RAB9B: variants seen among roughly 807,000 people sequenced by gnomAD.
RAB9B encodes ras-related protein Rab-9B.
RAB9B carries 1 observed loss-of-function variant against 8.9 expected under a neutral mutation model. The observed-to-expected ratio is 0.11, with a 90% CI of 0.04 to 0.53. The LOEUF (loss-of-function observed/expected upper bound fraction) is 0.53. Among genes scored for constraint, RAB9B ranks in the 20% least tolerant of loss-of-function variants. The probability of loss-of-function intolerance (pLI) is 0.93; values close to 1 mark genes in which losing one functional copy is unlikely to be tolerated. For synonymous variants in RAB9B, 63 were observed against 57.0 expected, an observed-to-expected ratio of 1.10 and a Z score of -0.47; for missense variants, 82 against 152.9, an observed-to-expected ratio of 0.54 and a Z score of 2.45.
At chrX:103,797,665 G>T in the RAB9B span, among the ~76,000 whole-genome samples, 8 of 111,469 alleles carry the variant, frequency 7.2e-5, no homozygotes, top group African/African-American at 2.6e-4. Flanking sequence ...TCCCAAAGTT[G>T]AACAGAGGTG....
the RAB9B span, among the ~76,000 whole-genome samples, chrX:103,795,228 C>T: frequency 1.9e-5 from 2 of 107,166 alleles, no homozygotes; most frequent in African/African-American, 6.9e-5. Flanking sequence ...GAGAAACTTG[C>T]ACAGTCCCAT....
the RAB9B span, chrX:103,787,980 C>A: frequency 8.4e-7 from 1 of 1,189,007 alleles, no homozygotes; most frequent in Non-Finnish European, 1.1e-6. Flanking sequence ...AGTTAGGGTA[C>A]GGGTGCTTTG....
At chrX:103,784,298 G>A in the RAB9B span, among the ~76,000 whole-genome samples, 4 of 111,716 alleles carry the variant, frequency 3.6e-5, no homozygotes, top group African/African-American at 1.3e-4. Context: ...TCTAGTGCCA[G>A]AAAGATGTTT....
chrX:103,795,361 T>C, the RAB9B span, among the ~76,000 whole-genome samples: 12 of 111,626 alleles, frequency 1.1e-4, no homozygotes, highest in African/African-American at 3.6e-4. Context: ...TGCCCCCCAA[T>C]GTGGAAAGTC....
chrX:103,809,591 T>G, the RAB9B span, among the ~76,000 whole-genome samples: 1 of 112,219 alleles, frequency 8.9e-6, no homozygotes, highest in African/African-American at 3.2e-5. Flanking sequence ...TGACCCACCA[T>G]GCTCGGCTTA....
downstream of RAB9B, among the ~76,000 whole-genome samples, chrX:103,819,105 C>T (rs1201971162): frequency 9.0e-6 from 1 of 111,426 alleles, no homozygotes; most frequent in Non-Finnish European, 1.9e-5. Flanking sequence ...ATGATATGAG[C>T]CTGTTTCTTG....
the RAB9B span, among the ~76,000 whole-genome samples, chrX:103,785,223 C>T: frequency 1.8e-5 from 2 of 111,185 alleles, no homozygotes; most frequent in Non-Finnish European, 3.8e-5. Flanking sequence ...GGATTACAGG[C>T]ATACGCCCAT....
At chrX:103,787,326 T>C in the RAB9B span, among the ~76,000 whole-genome samples, 12 of 111,437 alleles carry the variant, frequency 1.1e-4, no homozygotes, top group Non-Finnish European at 2.1e-4. Flanking sequence ...ATGTGTGGGT[T>C]CCAGCAATGT....
the RAB9B span, chrX:103,790,631 G>C: frequency 1.9e-6 from 2 of 1,060,776 alleles, no homozygotes; most frequent in Admixed American, 2.2e-5. Flanking sequence ...CTCTAATAGC[G>C]AGGCTCTAAC....
chrX:103,781,842 G>C, the RAB9B span, among the ~76,000 whole-genome samples: 2 of 112,295 alleles, frequency 1.8e-5, no homozygotes, highest in Admixed American at 1.9e-4. Context: ...GGAAATGTGA[G>C]AATGTCTCTT....
At chrX:103,799,073 A>G in the RAB9B span, among the ~76,000 whole-genome samples, 79 of 109,717 alleles carry the variant, frequency 7.2e-4, 1 homozygote, top group Non-Finnish European at 1.1e-3. Context: ...TTCATGCCTT[A>G]TATGTGTATA....
chrX:103,816,818 T>G, the RAB9B span, among the ~76,000 whole-genome samples: 32 of 112,004 alleles, frequency 2.9e-4, no homozygotes, highest in Admixed American at 2.4e-3. Flanking sequence ...TCAGCCAACA[T>G]ACATATAAAA....
At chrX:103,796,475 A>G in the RAB9B span, among the ~76,000 whole-genome samples, 18 of 110,915 alleles carry the variant, frequency 1.6e-4, no homozygotes, top group Non-Finnish European at 3.4e-4. Context: ...TCTCAGAAAT[A>G]ATAATAATAA....
chrX:103,780,362 A>G, the RAB9B span: 11 of 111,831 alleles, frequency 9.8e-5, no homozygotes, highest in East Asian at 3.1e-3. Context: ...GATAAGTTTT[A>G]ACAATCAAAG....
At chrX:103,827,277 G>A (rs1193602648) in intron 1 of RAB9B, among the ~76,000 whole-genome samples, 199 bp from the exon 2 acceptor site, 3 of 110,852 alleles carry the variant, frequency 2.7e-5, no homozygotes, top group Non-Finnish European at 3.8e-5. Flanking sequence ...TTTATTCCAA[G>A]AACTTTAACT....
chrX:103,793,822 C>G, the RAB9B span, among the ~76,000 whole-genome samples: 1 of 111,821 alleles, frequency 8.9e-6, no homozygotes, highest in South Asian at 3.8e-4. Context: ...TGAAAGAGCT[C>G]TCTTTGTGCT....
At chrX:103,810,414 A>G in the RAB9B span, among the ~76,000 whole-genome samples, 2 of 112,084 alleles carry the variant, frequency 1.8e-5, no homozygotes, top group Admixed American at 1.9e-4. Flanking sequence ...TAAGATGCAG[A>G]TGCCTGGGCT....
chrX:103,805,203 CTT>C, the RAB9B span, among the ~76,000 whole-genome samples: 1 of 111,606 alleles, frequency 9.0e-6, no homozygotes, highest in Non-Finnish European at 1.9e-5. Context: ...TGAGTGTTTT[CTT>C]TTATCAAGAA....
rs1421946812 is a variant in RAB9B at position 103,824,988 on chromosome X, A to T, written c.*191T>A. ...TCACGCAAAATACACTTGGCTTGAT[A>T]GAGCTTCATTTTTTTTAATTTTTAA... On this transcript the variant is annotated 3_prime_UTR_variant, in exon 3 of 3. Transcript: ENST00000243298. The T allele has an allele frequency of 4.7e-6, 2 of 423,263 alleles. No homozygotes were observed. Among genetic ancestry groups the T allele is most frequent in the Non-Finnish European group, 3.8e-6 (1 of 266,290 alleles). The allele number at this position is 423,263 out of a possible 1,213,427, so 34.9% of individuals were successfully genotyped here. A position where few individuals can be genotyped will look rare whatever the true frequency, so the allele number is the denominator to read the frequency against.
Sources: allele counts gnomAD v4.1 joint callset (sites outside exome capture counted in the v4.1 genomes callset), GRCh38; gene constraint gnomAD v4.1.1; transcripts MANE v1.5; gene names NCBI Gene and HGNC (gene_info 2026-07-23, HGNC 2026-07-21).